Variants in EFNA1 observed in about 807,000 individuals in gnomAD.
EFNA1 encodes ephrin A1, also known as ephrin-A1.
In EFNA1, 8 loss-of-function variants were observed where a neutral mutation model predicts 23.2. That is an observed-to-expected ratio of 0.34 (90% CI 0.20 to 0.62). EFNA1 has a LOEUF of 0.62. Among genes scored for constraint, EFNA1 ranks in the 20% least tolerant of loss-of-function variants. The probability of loss-of-function intolerance (pLI) is 0.75; values close to 1 mark genes in which losing one functional copy is unlikely to be tolerated. For missense variants in EFNA1, 217 were observed against 260.0 expected (o/e 0.83, Z 1.14); for synonymous variants, 89 against 98.6 (o/e 0.90, Z 0.58).
intron 2 of EFNA1, among the ~76,000 whole-genome samples, chr1:155,133,084 T>C (rs946087529): frequency 4.6e-5 from 7 of 152,034 alleles, no homozygotes; most frequent in Non-Finnish European, 8.8e-5. Context: ...CTAATTTTTG[T>C]ATTTTTAGTA....
intron 1 of EFNA1, chr1:155,130,699 T>C: frequency 1.0e-6 from 1 of 985,182 alleles, no homozygotes; most frequent in Non-Finnish European, 1.2e-6. Context: ...CTGAATGAAT[T>C]GATGAGAGTG....
At chr1:155,130,744 C>A in intron 1 of EFNA1, 1 of 985,126 alleles carries the variant, frequency 1.0e-6, no homozygotes, top group South Asian at 4.7e-5. Flanking sequence ...TATCTGTGGG[C>A]CCGGGTATAC....
Position 155,131,621 on chromosome 1 carries a change from C to T in EFNA1, c.375C>T (p.Ser125=). ...TLGKEFKEGH[S]YYYISKPIHQ... ...GCAAGGAGTTCAAAGAAGGACACAGCTACTACTACATCTGTGAGTGCCTGT... is the reference window on the plus strand; with the variant it reads ...GCAAGGAGTTCAAAGAAGGACACAGTTACTACTACATCTGTGAGTGCCTGT... The change falls in exon 2 of 5, where the codon AGC becomes AGT. Residue 125 remains serine (S), a synonymous_variant. Coordinates refer to ENST00000368407, the MANE Select transcript of EFNA1 (RefSeq NM_004428.3). The T allele has an allele frequency of 6.2e-7, 1 of 1,611,590 alleles. No homozygotes were observed. Among genetic ancestry groups the T allele is most frequent in the Non-Finnish European group, 8.5e-7 (1 of 1,177,972 alleles).
rs78742081 is a variant in EFNA1, at chr1:155,131,575, G to A, written c.329G>A (p.Arg110His). 54 of 1,613,968 alleles carry A rather than the reference G, an allele frequency of 3.3e-5. No individual in the cohort carries two copies. The highest frequency in any genetic ancestry group is 2.2e-4 in the East Asian group (10 of 44,886). The change falls in exon 2 of 5, where the codon CGC (arginine) becomes CAC (histidine). Residue 110 changes from arginine (R) to histidine (H), a missense_variant. Transcript: ENST00000368407. ...GAGAAGCTGTCTGAGAAGTTCCAGC[G>A]CTTCACACCTTTCACCCTGGGCAAG... ...GPEKLSEKFQ[R>H]FTPFTLGKEF... is the part of the protein sequence containing the mutation.
At chr1:155,132,092 C>T (rs1284764174) in intron 2 of EFNA1, among the ~76,000 whole-genome samples, 3 of 152,080 alleles carry the variant, frequency 2.0e-5, no homozygotes, top group Non-Finnish European at 4.4e-5. Flanking sequence ...CTTCCTGTGG[C>T]TCAGCCTGGC....
rs1664322282 is a variant in EFNA1 at position 155,134,246 on chromosome 1, G to A, written c.*179G>A. ...GTATTAAGGTTTTCAACCGGAAGGA[G>A]GCCAACCAGCCCGACAGTGCCATCC... On this transcript the variant is annotated 3_prime_UTR_variant, in exon 5 of 5. Coordinates refer to ENST00000368407, the MANE Select transcript of EFNA1 (RefSeq NM_004428.3). The A allele has an allele frequency of 3.2e-6, 2 of 631,132 alleles. No individual in the cohort carries two copies. Among genetic ancestry groups the A allele is most frequent in the South Asian group, 1.9e-5 (1 of 52,652 alleles). The allele number at this position is 631,132 out of a possible 1,614,324, so 39.1% of individuals were successfully genotyped here.
Position 155,133,982 on chromosome 1 carries a change from G to T in EFNA1, c.533G>T (p.Ser178Ile). 1 of 1,614,140 alleles carries T rather than the reference G, an allele frequency of 6.2e-7. No individual in the cohort carries two copies. Among genetic ancestry groups the T allele is most frequent in the Non-Finnish European group, 8.5e-7 (1 of 1,180,016 alleles). Residue 178 changes from serine (S) to isoleucine (I), a missense_variant, in exon 5 of 5, where the codon AGC (serine) becomes ATC (isoleucine). Transcript: ENST00000368407. ...GACCCAGAGGTGCGGGTTCTACATA[G>T]CATCGGTCACAGTGCTGCCCCACGC... The part of the protein sequence containing the change: ...ADDPEVRVLH[S>I]IGHSAAPRLF...
Position 155,131,329 on chromosome 1 carries a change from G to A in EFNA1, c.93-10G>A, listed in dbSNP as rs1557785920. 9 of 1,596,986 alleles carry A rather than the reference G, an allele frequency of 5.6e-6. No homozygotes were observed. The highest frequency in any genetic ancestry group is 7.7e-6 in the Non-Finnish European group (9 of 1,166,640). ...GACCACCTGCTTCTTCCCCCTGTGT[G>A]TGTCCCCAGGTTCCGGAATGAGGAC... On this transcript the variant is annotated splice_polypyrimidine_tract_variant and intron_variant, in intron 1 of 4. Coordinates refer to ENST00000368407, the MANE Select transcript of EFNA1 (RefSeq NM_004428.3).
intron 1 of EFNA1, among the ~76,000 whole-genome samples, chr1:155,130,103 G>A (rs906695724): frequency 2.0e-5 from 3 of 152,158 alleles, no homozygotes; most frequent in Non-Finnish European, 4.4e-5. Context: ...GCCCAGTTTG[G>A]GCGCTGGCAC....
intron 1 of EFNA1, among the ~76,000 whole-genome samples, chr1:155,129,400 C>T (rs1035290838): frequency 3.3e-5 from 5 of 152,226 alleles, no homozygotes; most frequent in African/African-American, 9.6e-5. Flanking sequence ...CCCACCTCCC[C>T]GCCTTCCCTG....
Position 155,134,215 on chromosome 1 carries a change from G to A in EFNA1, c.*148G>A, listed in dbSNP as rs903705846. The A allele has an allele frequency of 7.6e-6, 6 of 786,692 alleles. No homozygotes were observed. The highest frequency in any genetic ancestry group is 3.4e-5 in the African/African-American group (2 of 58,260). 48.7% of individuals were successfully genotyped at this position (786,692 alleles called of 1,614,324 possible). A position where few individuals can be genotyped will look rare whatever the true frequency, so the allele number is the denominator to read the frequency against. ...AGCTATCACCTAGCAGCCTCAAAAC[G>A]GGTCAGTATTAAGGTTTTCAACCGG... On this transcript the variant is annotated 3_prime_UTR_variant, in exon 5 of 5. Coordinates refer to ENST00000368407, the MANE Select transcript of EFNA1 (RefSeq NM_004428.3).
rs1306577570 is a variant in EFNA1 at position 155,131,140 on chromosome 1, G to A, written c.93-199G>A. The A allele has an allele frequency of 8.8e-6, 12 of 1,363,296 alleles. No homozygotes were observed. The South Asian group carries it at 1.5e-4, about 17-fold the overall frequency. 84.4% of individuals were successfully genotyped at this position (1,363,296 alleles called of 1,614,324 possible). ...ATTTGAAGGACCAACAGGAGACAGT[G>A]ATGGTGCAGGGGAATGTTTAGAGAT... On this transcript the variant is annotated intron_variant, in intron 1 of 4. Transcript: ENST00000368407.
At chr1:155,131,661 T>C in intron 2 of EFNA1, 27 bp downstream of exon 2, 1 of 1,594,774 alleles carries the variant, frequency 6.3e-7, no homozygotes, top group Non-Finnish European at 8.6e-7. Context: ...GGACAGTGTC[T>C]GTGTTTCTTT....
rs1377712269 is a variant in EFNA1, at chr1:155,131,450, A to G, written c.204A>G (p.Ile68Met). ...SVADAAMEQY[I>M]LYLVEHEEYQ... is the part of the protein sequence containing the mutation. ...CAGACGCTGCCATGGAGCAGTACAT[A>G]CTGTACCTGGTGGAGCATGAGGAGT... Residue 68 changes from isoleucine to methionine, a missense_variant, in exon 2 of 5, where the codon ATA becomes ATG. Ile to Met is a conservative substitution (Grantham distance 10, BLOSUM62 1). Transcript: ENST00000368407. 1 of 1,614,136 alleles carries G rather than the reference A, an allele frequency of 6.2e-7. No homozygotes were observed. Among genetic ancestry groups the G allele is most frequent in the Admixed American group, 1.7e-5 (1 of 60,010 alleles).
chr1:155,131,541 C>T lies in EFNA1; in HGVS notation c.295C>T (p.His99Tyr). The T allele has an allele frequency of 1.2e-6, 2 of 1,613,856 alleles. No individual in the cohort carries two copies. The highest frequency in any genetic ancestry group is 1.7e-6 in the Non-Finnish European group (2 of 1,179,932). Reference sequence around the variant, plus strand: ...GCAGTGCAACCGGCCCAGTGCCAAGCATGGCCCGGAGAAGCTGTCTGAGAA... The same window carrying T: ...GCAGTGCAACCGGCCCAGTGCCAAGTATGGCCCGGAGAAGCTGTCTGAGAA... ...RWQCNRPSAK[H>Y]GPEKLSEKFQ... The change falls in exon 2 of 5, where the codon CAT becomes TAT. Residue 99 changes from histidine to tyrosine, a missense_variant. Transcript: ENST00000368407.
Position 155,134,149 on chromosome 1 carries a change from C to A in EFNA1, c.*82C>A. On this transcript the variant is annotated 3_prime_UTR_variant, in exon 5 of 5. Coordinates refer to ENST00000368407, the MANE Select transcript of EFNA1 (RefSeq NM_004428.3). The stretch of plus-strand genomic sequence containing the variant: ...TCCAAACCTGTCTTGGGGCCACTTT[C>A]AGAGCCCCCAGCCCTGGGAACCACT... 1 of 1,361,876 alleles carries A rather than the reference C, an allele frequency of 7.3e-7. No homozygotes were observed. The highest frequency in any genetic ancestry group is 1.0e-6 in the Non-Finnish European group (1 of 976,520). 84.4% of individuals were successfully genotyped at this position (1,361,876 alleles called of 1,614,324 possible). A position where few individuals can be genotyped will look rare whatever the true frequency, so the allele number is the denominator to read the frequency against.
chr1:155,131,011 A>G (rs1490766016), intron 1 of EFNA1: 5 of 985,268 alleles, frequency 5.1e-6, no homozygotes, highest in African/African-American at 3.5e-5. Context: ...GAAGAGAATG[A>G]TAAGTGAGCT....
At chr1:155,132,120 AG>A (rs1458854609) in intron 2 of EFNA1, among the ~76,000 whole-genome samples, 2 of 152,184 alleles carry the variant, frequency 1.3e-5, no homozygotes, top group African/African-American at 4.8e-5. Flanking sequence ...GGAGGGACAC[AG>A]GAAGTGAGGA....
chr1:155,130,569 G>A, intron 1 of EFNA1: 1 of 985,284 alleles, frequency 1.0e-6, no homozygotes, highest in Non-Finnish European at 1.2e-6. Flanking sequence ...TTCATCTAGG[G>A]GGAGGTGGAA....
Sources: gnomAD v4.1 joint callset for allele counts (sites outside exome capture counted in the v4.1 genomes callset) on GRCh38, gnomAD v4.1.1 for gene constraint, MANE v1.5 for transcripts, NCBI Gene and HGNC (gene_info 2026-07-23, HGNC 2026-07-21) for gene names.